CORO2A: variants seen among roughly 807,000 people sequenced by gnomAD.
The protein encoded by CORO2A is coronin-2A.
In CORO2A, 47 loss-of-function variants were observed where a neutral mutation model predicts 62.4. The ratio of observed to expected loss-of-function variants is 0.75; its 90% CI spans 0.60 to 0.96. The LOEUF (loss-of-function observed/expected upper bound fraction) is 0.96. Among genes scored for constraint, CORO2A ranks in the 40% least tolerant of loss-of-function variants. The pLI is 0.00. For synonymous variants in CORO2A, 273 were observed against 268.9 expected, an observed-to-expected ratio of 1.02 and a Z score of -0.15; for missense variants, 610 against 684.1, an observed-to-expected ratio of 0.89 and a Z score of 1.21.
At chr9:98,131,670 G>A (rs1827411230) in intron 6 of CORO2A, among the ~76,000 whole-genome samples, 1 of 152,050 alleles carries the variant, frequency 6.6e-6, no homozygotes, top group African/African-American at 2.4e-5. Context: ...TCCCCTACCT[G>A]TTTTTTAAAA....
At chr9:98,135,008 G>A (rs549424522) in intron 3 of CORO2A, 53 bp from the exon 4 acceptor site, 100 of 1,593,676 alleles carry the variant, frequency 6.3e-5, no homozygotes, top group African/African-American at 3.1e-4. Context: ...CCTTGGCACC[G>A]TCACCAGCCT....
In CORO2A at chr9:98,150,167, G is replaced by A. The variant is rs752054375; in HGVS notation, c.201+7293C>T. Among the ~76,000 whole-genome samples the A allele has an allele frequency of 4.6e-5, 7 of 151,990 alleles. 1 individual carries two copies. The highest frequency in any genetic ancestry group is 1.2e-4 in the African/African-American group (5 of 41,376). ...AGGCTGGTCTCAAACTCCTGACCTC[G>A]TGATCTGCCTGCCTCGGCTTCCCAA... On this transcript the variant is annotated intron_variant, in intron 2 of 11. Transcript: ENST00000375077.
intron 1 of CORO2A, among the ~76,000 whole-genome samples, chr9:98,181,838 G>A (rs902727807): frequency 6.6e-6 from 1 of 152,068 alleles, no homozygotes; most frequent in African/African-American, 2.4e-5. Flanking sequence ...CATCTCCAAA[G>A]GAAAACTCAA....
intron 2 of CORO2A, among the ~76,000 whole-genome samples, chr9:98,144,915 G>A (rs1033154302): frequency 1.3e-5 from 2 of 152,114 alleles, no homozygotes; most frequent in African/African-American, 4.8e-5. Flanking sequence ...ATGGATAGGT[G>A]AGCCATGTCC....
At chr9:98,174,088 C>T (rs1422072542) in intron 1 of CORO2A, among the ~76,000 whole-genome samples, 6 of 151,252 alleles carry the variant, frequency 4.0e-5, no homozygotes, top group Non-Finnish European at 5.9e-5. Flanking sequence ...GCCTGGGCAA[C>T]GAGAGTGAAG....
At chr9:98,140,890 C>CATCCTTTGTTAGTGATGT (rs1564204344) in intron 2 of CORO2A, among the ~76,000 whole-genome samples, 1 of 152,086 alleles carries the variant, frequency 6.6e-6, no homozygotes, top group East Asian at 1.9e-4. Context: ...GAGGGGACAA[C>CATCCTTTGTTAGTGATGT]GCTATAAAGG....
chr9:98,147,227 T>C (rs568463949), intron 2 of CORO2A, among the ~76,000 whole-genome samples: 164 of 152,094 alleles, frequency 1.1e-3, no homozygotes, highest in African/African-American at 3.7e-3. Flanking sequence ...ACCATTAACA[T>C]GAATTAGGAA....
At chr9:98,138,194 C>T (rs994067939) in intron 2 of CORO2A, among the ~76,000 whole-genome samples, 1 of 152,142 alleles carries the variant, frequency 6.6e-6, no homozygotes, top group Non-Finnish European at 1.5e-5. Context: ...GTGGGTGGAT[C>T]ACCTGAGGTC....
At chr9:98,177,550 T>C (rs1331055465) in intron 1 of CORO2A, among the ~76,000 whole-genome samples, 1 of 135,648 alleles carries the variant, frequency 7.4e-6, no homozygotes. Context: ...CACCACAACC[T>C]CTGTGTCCCA....
chr9:98,154,364 T>TAC lies in CORO2A; in HGVS notation c.201+3095_201+3096insGT, dbSNP rs1491086329. On this transcript the variant is annotated intron_variant, in intron 2 of 11. Transcript: ENST00000375077. ...ATATATATATATATACACAAATACA[T>TAC]ATATATATATATTTTAAATATATGT... Among the ~76,000 whole-genome samples the TAC allele has an allele frequency of 1.9e-3, 238 of 125,034 alleles. 2 individuals are homozygous for TAC. The highest frequency in any genetic ancestry group is 8.1e-3 in the Middle Eastern group (2 of 246). The allele number at this position is 125,034 out of a possible 152,430, so 82.0% of individuals were successfully genotyped here.
intron 2 of CORO2A, among the ~76,000 whole-genome samples, chr9:98,152,135 T>TTG (rs1554744742): frequency 6.0e-5 from 9 of 151,162 alleles, no homozygotes; most frequent in African/African-American, 1.9e-4. Context: ...TGTTTTTTTT[T>TTG]TTTGTTTTTT....
chr9:98,125,426 C>G (rs1827302967), intron 11 of CORO2A, among the ~76,000 whole-genome samples: 1 of 152,206 alleles, frequency 6.6e-6, no homozygotes, highest in Admixed American at 6.5e-5. Context: ...GACATTCAGT[C>G]TCTGGGTCTA....
chr9:98,161,120 T>A lies in CORO2A; in HGVS notation c.1-3460A>T, dbSNP rs79085939. Among the ~76,000 whole-genome samples the A allele has an allele frequency of 5.7e-3, 866 of 152,266 alleles. 3 individuals carry two copies. Among genetic ancestry groups the A allele is most frequent in the African/African-American group, 0.019 (810 of 41,564 alleles). On this transcript the variant is annotated intron_variant, in intron 1 of 11. Transcript: ENST00000375077. ...ATGGAGGACAGCGACCCATCCTGAT[T>A]CATACAGCCTATGCAAGTCCGGCCC...
intron 2 of CORO2A, among the ~76,000 whole-genome samples, chr9:98,140,284 T>C (rs1827547537): frequency 6.6e-6 from 1 of 152,212 alleles, no homozygotes; most frequent in Non-Finnish European, 1.5e-5. Flanking sequence ...TTGGAGGGGC[T>C]GATTGCAAGG....
chr9:98,181,920 T>C (rs1828182524), intron 1 of CORO2A, among the ~76,000 whole-genome samples: 2 of 152,212 alleles, frequency 1.3e-5, no homozygotes, highest in Non-Finnish European at 1.5e-5. Context: ...AGACAAGTCC[T>C]ATGGCCTCTC....
At chr9:98,148,927 A>G (rs892143840) in intron 2 of CORO2A, among the ~76,000 whole-genome samples, 5 of 152,188 alleles carry the variant, frequency 3.3e-5, no homozygotes, top group Admixed American at 3.3e-4. Context: ...CATTTATGTA[A>G]CATTCCTAAA....
intron 2 of CORO2A, among the ~76,000 whole-genome samples, chr9:98,154,848 T>C (rs1350198528): frequency 2.0e-5 from 3 of 152,230 alleles, no homozygotes; most frequent in Non-Finnish European, 4.4e-5. Context: ...TTCTTGGACA[T>C]ACAGGTTTTC....
intron 10 of CORO2A, 76 bp downstream of exon 10, chr9:98,128,094 C>T: frequency 8.2e-7 from 1 of 1,219,146 alleles, no homozygotes; most frequent in Non-Finnish European, 1.2e-6. Context: ...GGCCCAACCC[C>T]TCTCAATTGC....
In CORO2A at chr9:98,130,953, A is replaced by G. The variant is rs763772613; in HGVS notation, c.870+2T>C. On this transcript the variant is annotated splice_donor_variant, in intron 7 of 11. Transcript: ENST00000375077. LOFTEE classifies it high-confidence loss of function. The stretch of plus-strand genomic sequence containing the variant: ...GTCACCTCCCTCCCGTGCCAAGCCG[A>G]CCTTCCCCACCACGTAGAGCATGCT... 1.2e-6 allele frequency: 2 copies of G among 1,611,718 alleles called. No individual in the cohort carries two copies. Among genetic ancestry groups the G allele is most frequent in the Admixed American group, 1.7e-5 (1 of 59,888 alleles).
Sources: allele counts gnomAD v4.1 joint callset (sites outside exome capture counted in the v4.1 genomes callset), GRCh38; gene constraint gnomAD v4.1.1; transcripts MANE v1.5; gene names NCBI Gene and HGNC (gene_info 2026-07-23, HGNC 2026-07-21).